Variants in PEAK1 observed in about 807,000 individuals in gnomAD.
The protein encoded by PEAK1 is inactive tyrosine-protein kinase PEAK1.
A neutral mutation model predicts 124.7 loss-of-function variants in PEAK1; 54 were observed. That is an observed-to-expected ratio of 0.43 (90% CI 0.35 to 0.54). The LOEUF is 0.54. Ranked by LOEUF, PEAK1 falls within the 20% of genes least tolerant of loss-of-function variation. The pLI, the probability that PEAK1 is intolerant of heterozygous loss-of-function variation, is 0.01. For missense variants in PEAK1, 2,046 were observed against 2,134.5 expected (o/e 0.96, Z 0.82); for synonymous variants, 719 against 760.0 (o/e 0.95, Z 0.89).
chr15:77,151,707 C>A (rs912283783), intron 8 of PEAK1, among the ~76,000 whole-genome samples: 1 of 152,114 alleles, frequency 6.6e-6, no homozygotes, highest in Non-Finnish European at 1.5e-5. Context: ...AGGAAGGGAT[C>A]CAGTTTCAGC....
intron 6 of PEAK1, among the ~76,000 whole-genome samples, chr15:77,221,800 A>G (rs1418549146): frequency 6.6e-6 from 1 of 152,128 alleles, no homozygotes. Flanking sequence ...CTTCTGTGAT[A>G]ATCTGCAGGA....
At chr15:77,341,555 G>A (rs117681417) in intron 2 of PEAK1, among the ~76,000 whole-genome samples, 2,218 of 151,874 alleles carry the variant, frequency 0.015, 21 homozygotes, top group Middle Eastern at 0.027. Flanking sequence ...TTTATTGAGG[G>A]GTTATTACAT....
intron 5 of PEAK1, among the ~76,000 whole-genome samples, chr15:77,267,549 T>TA (rs1328936782): frequency 6.6e-6 from 1 of 152,142 alleles, no homozygotes; most frequent in African/African-American, 2.4e-5. Context: ...TCTTTGCAGA[T>TA]ACTCCCCTGT....
intron 1 of PEAK1, chr15:77,417,854 A>G: frequency 1.0e-6 from 1 of 985,468 alleles, no homozygotes; most frequent in Non-Finnish European, 1.2e-6. Flanking sequence ...GCTGATGCTT[A>G]TTTGGCAAAT....
chr15:77,407,254 A>G (rs773334131), intron 1 of PEAK1, among the ~76,000 whole-genome samples: 4 of 152,140 alleles, frequency 2.6e-5, no homozygotes, highest in African/African-American at 9.7e-5. Context: ...TGCAACAAAA[A>G]CAAAGATAAA....
intron 2 of PEAK1, among the ~76,000 whole-genome samples, chr15:77,309,082 T>C (rs549251695): frequency 3.9e-5 from 6 of 152,214 alleles, no homozygotes; most frequent in Admixed American, 3.9e-4. Flanking sequence ...AAATAATTAG[T>C]ATAAAGTCAT....
rs1271553728 is a variant in PEAK1, at chr15:77,179,725, G to C, written c.2202C>G (p.Ile734Met). ...YSSSHSSPAKIQRATQEPVAK... is the reference protein window; with the variant it reads ...YSSSHSSPAKMQRATQEPVAK... Reference sequence around the variant, plus strand: ...CCACAGGCTCTTGAGTGGCTCTCTGGATCTTTGCTGGGGAGCTGTGGCTGG... The same window carrying C: ...CCACAGGCTCTTGAGTGGCTCTCTGCATCTTTGCTGGGGAGCTGTGGCTGG... The change falls in exon 7 of 10, where the codon ATC becomes ATG. Residue 734 changes from isoleucine (I) to methionine (M), a missense_variant. Physicochemically the swap from Ile to Met is conservative, Grantham distance 10 (BLOSUM62 1). Transcript: ENST00000682557. 6.2e-7 allele frequency: 1 copy of C among 1,613,926 alleles called. No individual in the cohort carries two copies. The highest frequency in any genetic ancestry group is 1.3e-5 in the African/African-American group (1 of 74,876).
chr15:77,195,499 C>G (rs893982825), intron 6 of PEAK1, among the ~76,000 whole-genome samples: 2 of 152,118 alleles, frequency 1.3e-5, no homozygotes, highest in Non-Finnish European at 2.9e-5. Flanking sequence ...AATAGAAAAA[C>G]AGAGAGAAAG....
chr15:77,160,441 G>A lies in PEAK1; in HGVS notation c.3138-1745C>T, dbSNP rs1276525864. On this transcript the variant is annotated intron_variant, in intron 7 of 9. Transcript: ENST00000682557. ...ACCTGTAATCCCAGCACTTTGGGAG[G>A]CTGAGGCGGGCGGATCACGAGGTCA... 3.9e-5 allele frequency among the ~76,000 whole-genome samples: 6 copies of A among 152,158 alleles called. No homozygotes were observed. The East Asian group carries it at 1.2e-3, about 29-fold the overall frequency.
chr15:77,339,536 TATAAAAC>T (rs1567279299), intron 2 of PEAK1, among the ~76,000 whole-genome samples: 2 of 152,188 alleles, frequency 1.3e-5, no homozygotes, highest in African/African-American at 4.8e-5. Context: ...TACACCTAAA[TATAAAAC>T]ATAAAACTAT....
intron 2 of PEAK1, among the ~76,000 whole-genome samples, chr15:77,318,753 G>A (rs539562192): frequency 5.3e-5 from 8 of 151,598 alleles, no homozygotes; most frequent in Non-Finnish European, 1.0e-4. Context: ...GCAAACATGC[G>A]GTATAAGTAA....
intron 2 of PEAK1, among the ~76,000 whole-genome samples, chr15:77,323,860 A>C (rs2153022199): frequency 6.6e-6 from 1 of 152,344 alleles, no homozygotes. Context: ...AGCTGGAGGC[A>C]TCACGCTACC....
intron 2 of PEAK1, chr15:77,336,541 T>C (rs575815474): frequency 1.0e-5 from 10 of 985,436 alleles, no homozygotes; most frequent in African/African-American, 5.2e-5. Flanking sequence ...ACATGAAATA[T>C]AGAGTCTGTG....
chr15:77,396,206 C>G (rs2070873461), intron 1 of PEAK1, among the ~76,000 whole-genome samples: 1 of 151,760 alleles, frequency 6.6e-6, no homozygotes, highest in Admixed American at 6.6e-5. Flanking sequence ...AGGTAGATAG[C>G]TAGATAGATA....
chr15:77,401,118 C>T lies in PEAK1; in HGVS notation c.-666+18888G>A, dbSNP rs115850717. 7.3e-3 allele frequency among the ~76,000 whole-genome samples: 1,107 copies of T among 152,166 alleles called. 16 individuals carry two copies. The highest frequency in any genetic ancestry group is 0.025 in the African/African-American group (1,051 of 41,524). Reference sequence around the variant, plus strand: ...AAAAGGGGTACATCAGAAGAAAAAACTCTTACACTTTAAAAACTCACATTC... The same window carrying T: ...AAAAGGGGTACATCAGAAGAAAAAATTCTTACACTTTAAAAACTCACATTC... On this transcript the variant is annotated intron_variant, in intron 1 of 9. Transcript: ENST00000682557.
chr15:77,272,065 TG>T (rs2062064681), intron 5 of PEAK1, among the ~76,000 whole-genome samples: 1 of 152,196 alleles, frequency 6.6e-6, no homozygotes, highest in South Asian at 2.1e-4. Context: ...TTATTTGAAC[TG>T]AACGATAATA....
intron 6 of PEAK1, among the ~76,000 whole-genome samples, chr15:77,211,922 T>C (rs1182763727): frequency 6.6e-6 from 1 of 151,808 alleles, no homozygotes; most frequent in Non-Finnish European, 1.5e-5. Context: ...TTATCATGAT[T>C]AAAAATGCAA....
At chr15:77,170,683 G>T (rs569035457) in intron 7 of PEAK1, among the ~76,000 whole-genome samples, 2 of 152,164 alleles carry the variant, frequency 1.3e-5, no homozygotes, top group African/African-American at 4.8e-5. Flanking sequence ...ACGTTTTACA[G>T]ATATTATACA....
chr15:77,402,194 T>G (rs1029647921), intron 1 of PEAK1: 4 of 964,836 alleles, frequency 4.1e-6, no homozygotes, highest in Admixed American at 7.0e-5. Context: ...GGACCAGATT[T>G]CAATCCTCTT....
Sources: gnomAD v4.1 joint callset for allele counts (sites outside exome capture counted in the v4.1 genomes callset) on GRCh38, gnomAD v4.1.1 for gene constraint, MANE v1.5 for transcripts, NCBI Gene and HGNC (gene_info 2026-07-23, HGNC 2026-07-21) for gene names.